MCMBP: variants seen among roughly 807,000 people sequenced by gnomAD.
MCMBP encodes minichromosome maintenance complex binding protein.
A neutral mutation model predicts 81.3 loss-of-function variants in MCMBP; 31 were observed. That is an observed-to-expected ratio of 0.38 (90% CI 0.29 to 0.51). MCMBP has a LOEUF of 0.51. MCMBP is among the 20% of genes least tolerant of loss of function. The pLI, the probability that MCMBP is intolerant of heterozygous loss-of-function variation, is 0.87. For missense variants in MCMBP, 645 were observed against 772.1 expected, an observed-to-expected ratio of 0.84 and a Z score of 1.95; for synonymous variants, 267 against 275.9, an observed-to-expected ratio of 0.97 and a Z score of 0.32.
intron 14 of MCMBP, among the ~76,000 whole-genome samples, chr10:119,833,865 T>C (rs1852142611): frequency 1.3e-5 from 2 of 152,176 alleles, no homozygotes; most frequent in Admixed American, 6.5e-5. Context: ...CAGGAAAATA[T>C]GAGAATCACC....
intron 10 of MCMBP, 83 bp from the exon 11 acceptor site, chr10:119,841,043 T>C (rs1852414543): frequency 1.2e-6 from 1 of 814,628 alleles, no homozygotes; most frequent in Admixed American, 2.2e-5. Flanking sequence ...AAAAATTAGC[T>C]TAATATTGTC....
intron 9 of MCMBP, 172 bp from the exon 10 acceptor site, chr10:119,842,767 CTT>C (rs71019726): frequency 0.021 from 9,819 of 478,072 alleles, no homozygotes; most frequent in Non-Finnish European, 0.023. Flanking sequence ...TTGCATCCTC[CTT>C]TTTTTTTTTT....
At chr10:119,839,079 G>T (rs569260168) in intron 11 of MCMBP, among the ~76,000 whole-genome samples, 25 of 152,278 alleles carry the variant, frequency 1.6e-4, no homozygotes, top group Admixed American at 5.9e-4. Flanking sequence ...GACAGGGAGA[G>T]AAAAGCTTAA....
intron 1 of MCMBP, among the ~76,000 whole-genome samples, chr10:119,871,589 G>C (rs1205321324): frequency 6.6e-6 from 1 of 152,128 alleles, no homozygotes; most frequent in African/African-American, 2.4e-5. Context: ...TGGCTGCTGA[G>C]GATGATTTAG....
intron 1 of MCMBP, among the ~76,000 whole-genome samples, chr10:119,867,321 A>C (rs12248726): frequency 0.01 from 1,405 of 135,024 alleles, 44 homozygotes; most frequent in African/African-American, 0.037. Context: ...AAAAAAAAAA[A>C]GTGGTTACTT....
chr10:119,841,713 T>C (rs1852439147), intron 10 of MCMBP, among the ~76,000 whole-genome samples: 1 of 152,262 alleles, frequency 6.6e-6, no homozygotes, highest in Non-Finnish European at 1.5e-5. Flanking sequence ...TTCCTCCTTA[T>C]GTTCTTGGAA....
chr10:119,872,535 C>A lies in MCMBP; in HGVS notation c.50G>T (p.Gly17Val). ...CCGGCGCCGCCACTCACCGAAGAAT[C>A]CCTGCACGATTCCCAGCGGGTGGCT... ...WLSHPLGIVQ[G>V]FFAQNGVNPD... Residue 17 changes from glycine to valine, a missense_variant, in exon 1 of 16, where the codon GGA becomes GTA. Physicochemically the swap from Gly to Val is moderately radical, Grantham distance 109 (BLOSUM62 -3). Transcript: ENST00000369077. 2 of 1,194,242 alleles carry A rather than the reference C, an allele frequency of 1.7e-6. No homozygotes were observed. The highest frequency in any genetic ancestry group is 3.9e-5 in the South Asian group (1 of 25,754). 74.0% of individuals were successfully genotyped at this position (1,194,242 alleles called of 1,614,324 possible).
chr10:119,849,342 G>C, intron 7 of MCMBP, 83 bp downstream of exon 7: 1 of 1,427,598 alleles, frequency 7.0e-7, no homozygotes, highest in Non-Finnish European at 9.5e-7. Flanking sequence ...CAGCACAAGG[G>C]AACAAATGCA....
At chr10:119,848,579 C>T (rs755660111) in intron 7 of MCMBP, among the ~76,000 whole-genome samples, 73 of 152,136 alleles carry the variant, frequency 4.8e-4, no homozygotes, top group Non-Finnish European at 7.8e-4. Flanking sequence ...TGCCACTGCA[C>T]ACCAGCCTGG....
intron 1 of MCMBP, among the ~76,000 whole-genome samples, chr10:119,866,091 T>TAA (rs60232741): frequency 1.2e-4 from 16 of 129,430 alleles, no homozygotes; most frequent in Admixed American, 3.9e-4. Context: ...CTCTATCTCT[T>TAA]AAAAAAAAAA....
intron 8 of MCMBP, among the ~76,000 whole-genome samples, chr10:119,845,655 G>A (rs1398153911): frequency 6.6e-6 from 1 of 152,150 alleles, no homozygotes; most frequent in Non-Finnish European, 1.5e-5. Flanking sequence ...TCACACTGAA[G>A]GGGAAGAAAA....
chr10:119,847,015 A>T (rs1349873508), intron 8 of MCMBP, among the ~76,000 whole-genome samples: 1 of 152,170 alleles, frequency 6.6e-6, no homozygotes, highest in Non-Finnish European at 1.5e-5. Context: ...ATGAGTTAAC[A>T]ATTCTGAAAT....
chr10:119,862,500 G>A (rs1436644642), intron 1 of MCMBP, among the ~76,000 whole-genome samples: 4 of 152,088 alleles, frequency 2.6e-5, no homozygotes, highest in Admixed American at 6.6e-5. Context: ...GGTGGTTATA[G>A]GACTCCCCAA....
In MCMBP at chr10:119,851,645, C is replaced by A. The variant is rs142603336; in HGVS notation, c.574+1405G>T. Among the ~76,000 whole-genome samples, 13 of 152,080 alleles carry A rather than the reference C, an allele frequency of 8.5e-5. No individual in the cohort carries two copies. In the East Asian group the frequency reaches 2.5e-3, roughly 29 times the overall value. On this transcript the variant is annotated intron_variant, in intron 6 of 15. Coordinates refer to ENST00000369077, the MANE Select transcript of MCMBP (RefSeq NM_001256378.2). Reference sequence around the variant, plus strand: ...ATGGGGTTTCGCCATGCTGTCCAGGCTAGATGATAGACCATTAATTTTAAT... The same window carrying A: ...ATGGGGTTTCGCCATGCTGTCCAGGATAGATGATAGACCATTAATTTTAAT...
chr10:119,834,316 C>A (rs1343142220), intron 14 of MCMBP, among the ~76,000 whole-genome samples: 2 of 152,124 alleles, frequency 1.3e-5, no homozygotes, highest in African/African-American at 4.8e-5. Context: ...TCAAAAGCCA[C>A]AAAATCTTGA....
At chr10:119,842,079 C>A (rs929972129) in intron 10 of MCMBP, among the ~76,000 whole-genome samples, 2 of 152,100 alleles carry the variant, frequency 1.3e-5, no homozygotes, top group Non-Finnish European at 2.9e-5. Context: ...AGCGCGAACC[C>A]TATTGTGAAC....
chr10:119,859,222 T>C, intron 2 of MCMBP, 41 bp from the exon 3 acceptor site: 1 of 1,592,940 alleles, frequency 6.3e-7, no homozygotes, highest in Middle Eastern at 2.1e-4. Flanking sequence ...AAATATCCTG[T>C]CTATACAACA....
At chr10:119,848,636 A>C (rs71482894) in intron 7 of MCMBP, among the ~76,000 whole-genome samples, 2,530 of 152,210 alleles carry the variant, frequency 0.017, 31 homozygotes, top group Non-Finnish European at 0.027. Flanking sequence ...AAAACCCCCC[A>C]AAAACAAAAA....
chr10:119,847,399 G>C (rs1852654074), intron 8 of MCMBP, among the ~76,000 whole-genome samples: 1 of 152,144 alleles, frequency 6.6e-6, no homozygotes. Context: ...GGGGTAAAAG[G>C]GCTTGATTTC....
Sources: gnomAD v4.1 joint callset for allele counts (sites outside exome capture counted in the v4.1 genomes callset) on GRCh38, gnomAD v4.1.1 for gene constraint, MANE v1.5 for transcripts, NCBI Gene and HGNC (gene_info 2026-07-23, HGNC 2026-07-21) for gene names.